The following ZNF469 variants were observed in gnomAD, a reference collection of about 807,000 sequenced individuals.
The protein encoded by ZNF469 is zinc finger protein 469.
In ZNF469, 1 loss-of-function variant was observed where a neutral mutation model predicts 1.0. The observed-to-expected ratio is 1.00, with a 90% confidence interval of 0.35 to 4.73. The LOEUF (loss-of-function observed/expected upper bound fraction) is 4.73, where lower values mean the gene tolerates loss of function less well. Ranked by LOEUF, ZNF469 falls within the 30% of genes most tolerant of loss-of-function variation. The pLI, the probability that ZNF469 is intolerant of heterozygous loss-of-function variation, is 0.16. For synonymous variants in ZNF469, 2,703 were observed against 2,363.4 expected (o/e 1.14, Z -4.17); for missense variants, 6,100 against 5,356.3 (o/e 1.14, Z -4.33).
the ZNF469 span, among the ~76,000 whole-genome samples, chr16:88,134,824 A>G: frequency 6.6e-6 from 1 of 152,180 alleles, no homozygotes; most frequent in African/African-American, 2.4e-5. Context: ...GCCAGTGTAT[A>G]TTATTTTAAA....
At chr16:88,179,660 C>T in the ZNF469 span, among the ~76,000 whole-genome samples, 1 of 152,190 alleles carries the variant, frequency 6.6e-6, no homozygotes, top group Non-Finnish European at 1.5e-5. Context: ...TTACCAGGAA[C>T]CTGTGTGATT....
At chr16:88,290,357 G>A in the ZNF469 span, among the ~76,000 whole-genome samples, 1 of 152,124 alleles carries the variant, frequency 6.6e-6, no homozygotes, top group East Asian at 1.9e-4. Flanking sequence ...GGAGGTTTTT[G>A]GCAGAAAAGG....
At chr16:88,357,295 G>A in the ZNF469 span, among the ~76,000 whole-genome samples, 1 of 152,234 alleles carries the variant, frequency 6.6e-6, no homozygotes, top group African/African-American at 2.4e-5. Context: ...CTCTGCAGAG[G>A]TGGTGGGGAC....
chr16:88,276,190 A>C, the ZNF469 span, among the ~76,000 whole-genome samples: 1 of 152,202 alleles, frequency 6.6e-6, no homozygotes, highest in South Asian at 2.1e-4. Flanking sequence ...CACAGGAGTC[A>C]AGGCCACAGA....
intron 1 of ZNF469, among the ~76,000 whole-genome samples, chr16:88,400,246 C>T (rs773095512): frequency 1.3e-5 from 2 of 152,220 alleles, no homozygotes; most frequent in Admixed American, 6.5e-5. Flanking sequence ...CTAGCTCACA[C>T]GGGACCCTTT....
At position 88,433,703 on chromosome 16, in the gene ZNF469, G is replaced by A; in HGVS notation, c.6233G>A (p.Gly2078Glu). 1 of 1,549,304 alleles carries A rather than the reference G, an allele frequency of 6.5e-7. No homozygotes were observed. ...TTGACAGCAGCCCACAGCCGAAGTG[G>A]ATCTGAGGGCCGGACTCCAGAGAGG... ...LALTAAHSRS[G>E]SEGRTPERAS... Residue 2078 changes from glycine (G) to glutamate (E), a missense_variant, in exon 3 of 3, where the codon GGA (glycine) becomes GAA (glutamate). Transcript: ENST00000565624.
the ZNF469 span, among the ~76,000 whole-genome samples, chr16:88,228,094 T>A: frequency 6.6e-6 from 1 of 152,262 alleles, no homozygotes; most frequent in Non-Finnish European, 1.5e-5. Flanking sequence ...CAGTATGACC[T>A]CGTCTAAGCT....
the ZNF469 span, among the ~76,000 whole-genome samples, chr16:88,143,481 GC>G: frequency 2.0e-5 from 3 of 151,796 alleles, no homozygotes; most frequent in African/African-American, 7.3e-5. Context: ...CCCCTAAGAC[GC>G]AACCACCAGC....
intron 1 of ZNF469, among the ~76,000 whole-genome samples, chr16:88,415,599 GT>G (rs1905281293): frequency 6.6e-6 from 1 of 152,218 alleles, no homozygotes. Context: ...GGCACTCCAG[GT>G]GGCCACCCAG....
Position 88,431,365 on chromosome 16 carries a change from G to A in ZNF469, c.3895G>A (p.Gly1299Ser), listed in dbSNP as rs533167413. 3.2e-6 allele frequency: 5 copies of A among 1,549,914 alleles called. No individual in the cohort carries two copies. The highest frequency in any genetic ancestry group is 4.9e-5 in the East Asian group (2 of 40,900). ...CGGAAGCTCGCCAACGCCAGGTGTG[G>A]GCAGCCTGCTGGGTGGTCCTGGGGG... is the stretch of plus-strand genomic sequence containing the variant. The part of the protein sequence containing the change: ...PHGSSPTPGV[G>S]SLLGGPGGTQ... Residue 1299 changes from glycine to serine, a missense_variant, in exon 3 of 3, where the codon GGC becomes AGC. Transcript: ENST00000565624.
At chr16:88,192,706 GTGATAATGGTGGTGATGATGGTGT>G in the ZNF469 span, among the ~76,000 whole-genome samples, 1 of 150,792 alleles carries the variant, frequency 6.6e-6, no homozygotes, top group African/African-American at 2.4e-5. Flanking sequence ...GGTGATAAAG[GTGATAATGGTGGTGATGATGGTGT>G]TGATAATGGT....
the ZNF469 span, among the ~76,000 whole-genome samples, chr16:88,139,212 G>T: frequency 6.6e-6 from 1 of 152,268 alleles, no homozygotes; most frequent in East Asian, 1.9e-4. Flanking sequence ...CAGCCAGGAG[G>T]CTCAGAGCCC....
rs562902238 is a variant in ZNF469, at chr16:88,419,271, G to A, written c.-191-5536G>A. On this transcript the variant is annotated intron_variant, in intron 1 of 2. Transcript: ENST00000565624. ...GACGGTGCCCAGGGTGACACAGCTC[G>A]GACAGGATCAGCCCTGGTGGGCAGC... is the stretch of plus-strand genomic sequence containing the variant. Among the ~76,000 whole-genome samples the A allele has an allele frequency of 2.5e-3, 383 of 152,322 alleles. 1 individual carries two copies. The highest frequency in any genetic ancestry group is 7.7e-3 in the African/African-American group (320 of 41,578).
intron 1 of ZNF469, among the ~76,000 whole-genome samples, chr16:88,405,593 C>T (rs1213281770): frequency 6.6e-6 from 1 of 152,172 alleles, no homozygotes; most frequent in African/African-American, 2.4e-5. Context: ...GGACACAGGT[C>T]CCCAGGGAAG....
chr16:88,380,404 C>CAT (rs1414267534), upstream of ZNF469, among the ~76,000 whole-genome samples: 42 of 148,670 alleles, frequency 2.8e-4, 1 homozygote, highest in African/African-American at 1.0e-3. Context: ...CGCCCTCACA[C>CAT]AGACATGCAC....
At chr16:88,188,004 T>A in the ZNF469 span, among the ~76,000 whole-genome samples, 2 of 152,094 alleles carry the variant, frequency 1.3e-5, no homozygotes, top group African/African-American at 4.8e-5. Context: ...ACCAGCCTCC[T>A]GGCTCCCCTG....
chr16:88,268,176 T>C, the ZNF469 span, among the ~76,000 whole-genome samples: 1 of 152,234 alleles, frequency 6.6e-6, no homozygotes, highest in African/African-American at 2.4e-5. Context: ...ACTTTTTACT[T>C]TGGAAGAATT....
At chr16:88,395,911 T>G (rs1210695040) in intron 1 of ZNF469, among the ~76,000 whole-genome samples, 1 of 152,200 alleles carries the variant, frequency 6.6e-6, no homozygotes, top group African/African-American at 2.4e-5. Flanking sequence ...TCTGCACCTG[T>G]CCCGAGGGTC....
the ZNF469 span, among the ~76,000 whole-genome samples, chr16:88,376,124 C>T: frequency 1.3e-5 from 2 of 152,258 alleles, no homozygotes; most frequent in Non-Finnish European, 2.9e-5. Context: ...CCGCTGTTCA[C>T]GGCGCAGCCG....
Sources: gnomAD v4.1 joint callset for allele counts (sites outside exome capture counted in the v4.1 genomes callset) on GRCh38, gnomAD v4.1.1 for gene constraint, MANE v1.5 for transcripts, NCBI Gene and HGNC (gene_info 2026-07-23, HGNC 2026-07-21) for gene names.